LRRC4B: variants seen among roughly 807,000 people sequenced by gnomAD.
LRRC4B encodes leucine rich repeat containing 4B.
A neutral mutation model predicts 7.3 loss-of-function variants in LRRC4B; 1 was observed. The observed-to-expected ratio is 0.14, with a 90% CI of 0.05 to 0.65. The LOEUF is 0.65. Among genes scored for constraint, LRRC4B ranks in the 30% least tolerant of loss-of-function variants. LRRC4B has a pLI of 0.84. For synonymous variants in LRRC4B, 500 were observed against 499.2 expected (o/e 1.00, Z -0.02); for missense variants, 730 against 1,041.6 (o/e 0.70, Z 4.12).
chr19:50,532,902 T>C (rs1242862619), intron 2 of LRRC4B, among the ~76,000 whole-genome samples: 1 of 152,188 alleles, frequency 6.6e-6, no homozygotes, highest in Non-Finnish European at 1.5e-5. Flanking sequence ...TTGGCCTGGG[T>C]GATAATGCCA....
At chr19:50,535,742 G>A (rs897361636) in intron 2 of LRRC4B, among the ~76,000 whole-genome samples, 3 of 152,162 alleles carry the variant, frequency 2.0e-5, no homozygotes, top group Non-Finnish European at 2.9e-5. Context: ...CCCGGCTCAG[G>A]CCTAGACGTC....
rs1599783583 is a variant in LRRC4B, at chr19:50,553,727, G to A, written c.-35-4854C>T. On this transcript the variant is annotated intron_variant, in intron 1 of 2. Coordinates refer to ENST00000652263, the MANE Select transcript of LRRC4B (RefSeq NM_001080457.2). The surrounding 1 kb of genome is among the most constrained non-coding windows in gnomAD (Gnocchi z 4.2). Reference sequence around the variant, plus strand: ...CAAGTTTCCCGAGGGCAGTCAGTTTGTGACTATTTGGTTCCCAGGACCCAC... The same window carrying A: ...CAAGTTTCCCGAGGGCAGTCAGTTTATGACTATTTGGTTCCCAGGACCCAC... 6.6e-6 allele frequency among the ~76,000 whole-genome samples: 1 copy of A among 152,212 alleles called. No homozygotes were observed. Among genetic ancestry groups the A allele is most frequent in the Non-Finnish European group, 1.5e-5 (1 of 68,042 alleles).
At position 50,568,124 on chromosome 19, in the gene LRRC4B, G is replaced by A. The variant is rs1416926179; in HGVS notation, c.-216C>T. 6.6e-6 allele frequency: 1 copy of A among 151,590 alleles called. No homozygotes were observed. The highest frequency in any genetic ancestry group is 1.5e-5 in the Non-Finnish European group (1 of 67,894). 9.4% of individuals were successfully genotyped at this position (151,590 alleles called of 1,614,324 possible). Reference sequence around the variant, plus strand: ...CCTCCCCGGCTCCTGGGTGGGGAGGGGGCTTCCGCAGCGGCGGCGGTGGGG... The same window carrying A: ...CCTCCCCGGCTCCTGGGTGGGGAGGAGGCTTCCGCAGCGGCGGCGGTGGGG... On this transcript the variant is annotated 5_prime_UTR_variant, in exon 1 of 3. Transcript: ENST00000652263.
chr19:50,531,056 C>G (rs1245916116), intron 2 of LRRC4B, among the ~76,000 whole-genome samples: 3 of 152,036 alleles, frequency 2.0e-5, no homozygotes, highest in Non-Finnish European at 4.4e-5. Flanking sequence ...CCTAGGCTCA[C>G]TTTTCAGAGA....
chr19:50,543,878 GAAAAGAA>G (rs1273930043), intron 2 of LRRC4B, among the ~76,000 whole-genome samples: 1 of 142,142 alleles, frequency 7.0e-6, no homozygotes. Flanking sequence ...AAAAAAGAAA[GAAAAGAA>G]AAAAGAAAAA....
intron 1 of LRRC4B, among the ~76,000 whole-genome samples, chr19:50,558,923 C>T (rs1342888016): frequency 6.6e-6 from 1 of 152,224 alleles, no homozygotes; most frequent in East Asian, 1.9e-4. Flanking sequence ...GAGGCCTGAG[C>T]ACCTGACCAG....
Position 50,540,497 on chromosome 19 carries a change from C to A in LRRC4B, c.297+8045G>T, listed in dbSNP as rs1035689695. 2.6e-5 allele frequency among the ~76,000 whole-genome samples: 4 copies of A among 152,128 alleles called. No individual in the cohort carries two copies. The East Asian group carries it at 7.7e-4, about 29-fold the overall frequency. On this transcript the variant is annotated intron_variant, in intron 2 of 2. Coordinates refer to ENST00000652263, the MANE Select transcript of LRRC4B (RefSeq NM_001080457.2). The stretch of plus-strand genomic sequence containing the variant: ...CCTGCCTCCTGAGTATCTGGGATTA[C>A]AGACACCTGCCACCATGCCTGGGTT...
intron 2 of LRRC4B, among the ~76,000 whole-genome samples, chr19:50,545,721 CTTT>C (rs532216155): frequency 0.17 from 23,035 of 131,738 alleles, 2,474 homozygotes; most frequent in African/African-American, 0.3. Context: ...AGAGTTATTA[CTTT>C]TTTTTTTTTT....
At chr19:50,525,705 C>T (rs1980780390) in intron 2 of LRRC4B, among the ~76,000 whole-genome samples, 1 of 151,898 alleles carries the variant, frequency 6.6e-6, no homozygotes, top group South Asian at 2.1e-4. Flanking sequence ...CACACGTGAG[C>T]CACCCTCCCC....
intron 1 of LRRC4B, among the ~76,000 whole-genome samples, chr19:50,566,197 T>C (rs1223195970): frequency 3.1e-5 from 2 of 64,558 alleles, no homozygotes; most frequent in South Asian, 6.2e-4. Flanking sequence ...GGTCCGGGGG[T>C]GGGGGGCGGG....
At chr19:50,557,084 C>T (rs1221906537) in intron 1 of LRRC4B, among the ~76,000 whole-genome samples, 1 of 151,346 alleles carries the variant, frequency 6.6e-6, no homozygotes, top group East Asian at 1.9e-4. Context: ...GCCAGGGGTC[C>T]GGGGGTAGAG....
In LRRC4B at chr19:50,518,324, GC is replaced by G; in HGVS notation, c.1388del (p.Gly463AlafsTer28). 1.2e-6 allele frequency: 2 copies of G among 1,605,596 alleles called. No homozygotes were observed. The highest frequency in any genetic ancestry group is 1.1e-5 in the South Asian group (1 of 90,584). ...VSAVDPVAAG[G>X]TGSGGGGPGG... ...CAGGGCCGCCCCCGCCGCTGCCGGT[GC>G]CCCCGGCCGCCACGGGGTCCACGGC... On this transcript the variant is annotated frameshift_variant, in exon 3 of 3. Transcript: ENST00000652263. LOFTEE classifies it low-confidence loss of function (END_TRUNC).
At chr19:50,524,740 G>T (rs570638597) in intron 2 of LRRC4B, among the ~76,000 whole-genome samples, 8 of 152,136 alleles carry the variant, frequency 5.3e-5, no homozygotes, top group African/African-American at 1.9e-4. Flanking sequence ...GTGGAGCTTC[G>T]AAATCCAAGG....
At chr19:50,525,095 A>G (rs1413421460) in intron 2 of LRRC4B, among the ~76,000 whole-genome samples, 9 of 152,188 alleles carry the variant, frequency 5.9e-5, no homozygotes, top group Admixed American at 3.3e-4. Flanking sequence ...GTGGACAGAC[A>G]CGGAAACAGA....
chr19:50,551,224 C>T lies in LRRC4B; in HGVS notation c.-35-2351G>A, dbSNP rs56278934. The stretch of plus-strand genomic sequence containing the variant: ...TTGGCTTCCGCTGGGCCTCTCCCTG[C>T]GCCCAGGCCCCCCCCTCCACATGCC... On this transcript the variant is annotated intron_variant, in intron 1 of 2. Coordinates refer to ENST00000652263, the MANE Select transcript of LRRC4B (RefSeq NM_001080457.2). Among the ~76,000 whole-genome samples, 1,383 of 151,994 alleles carry T rather than the reference C, an allele frequency of 9.1e-3. 8 individuals carry two copies. Among genetic ancestry groups the T allele is most frequent in the Non-Finnish European group, 0.015 (1,019 of 67,920 alleles).
rs1980444046 is a variant in LRRC4B at position 50,519,213 on chromosome 19, T to C, written c.500A>G (p.Asn167Ser). 3 of 1,613,902 alleles carry C rather than the reference T, an allele frequency of 1.9e-6. No homozygotes were observed. Among genetic ancestry groups the C allele is most frequent in the African/African-American group, 1.3e-5 (1 of 74,904 alleles). ...GGAGGGGATGCTCTCGATGGGGTTG[T>C]TCCGCAGCCAGAGCTCCCGCAGCTT... ...LSKLRELWLR[N>S]NPIESIPSYA... The change falls in exon 3 of 3, where the codon AAC (asparagine) becomes AGC (serine). Residue 167 changes from asparagine to serine, a missense_variant. By Grantham distance (46) the Asn-to-Ser change is conservative. Around this residue, in one of 6 missense-constraint regions of LRRC4B, gnomAD observed 226 missense variants for 448.0 expected, o/e 0.50. Coordinates refer to ENST00000652263, the MANE Select transcript of LRRC4B (RefSeq NM_001080457.2). This position sits in a 1 kb window ranked among gnomAD's most constrained non-coding sequence, Gnocchi z 8.1.
chr19:50,527,986 CT>C (rs761369742), intron 2 of LRRC4B, among the ~76,000 whole-genome samples: 3 of 152,082 alleles, frequency 2.0e-5, no homozygotes, highest in Admixed American at 6.6e-5. Flanking sequence ...CGTGATCTGC[CT>C]GCCTCGGCCT....
rs573489173 is a variant in LRRC4B at position 50,554,672 on chromosome 19, C to T, written c.-35-5799G>A. On this transcript the variant is annotated intron_variant, in intron 1 of 2. Transcript: ENST00000652263. ...TGACACCACCAAAGGTGGTAACGTCCAACACACATCTGGCACTGACTGGGC... is the reference window on the plus strand; with the variant it reads ...TGACACCACCAAAGGTGGTAACGTCTAACACACATCTGGCACTGACTGGGC... 3.9e-5 allele frequency among the ~76,000 whole-genome samples: 6 copies of T among 152,322 alleles called. No individual in the cohort carries two copies. In the South Asian group the frequency reaches 1.0e-3, roughly 26 times the overall value.
rs536713650 is a variant in LRRC4B, at chr19:50,564,671, G to A, written c.-36+3273C>T. Among the ~76,000 whole-genome samples the A allele has an allele frequency of 1.1e-4, 17 of 152,174 alleles. 1 individual carries two copies. The South Asian group carries it at 3.5e-3, about 32-fold the overall frequency. On this transcript the variant is annotated intron_variant, in intron 1 of 2. Coordinates refer to ENST00000652263, the MANE Select transcript of LRRC4B (RefSeq NM_001080457.2). The stretch of plus-strand genomic sequence containing the variant: ...CGAGACGGCTTGACAGAGACAGGAG[G>A]TCCAGGTGACACCTCGAGACAGATG...
Sources: allele counts gnomAD v4.1 joint callset (sites outside exome capture counted in the v4.1 genomes callset), GRCh38; gene constraint gnomAD v4.1.1; regional missense constraint gnomAD v4.1.1; non-coding constraint Gnocchi (gnomAD v3.1); transcripts MANE v1.5; gene names NCBI Gene and HGNC (gene_info 2026-07-23, HGNC 2026-07-21).